Variants in CNBD1 observed in about 807,000 individuals in gnomAD.
CNBD1 encodes cyclic nucleotide binding domain containing 1.
Under a neutral mutation model 54.4 loss-of-function variants are expected in CNBD1, and 71 were observed. The observed-to-expected ratio is 1.30, with a 90% CI of 1.08 to 1.59. CNBD1 has a LOEUF of 1.59. Ranked by LOEUF, CNBD1 falls within the 40% of genes most tolerant of loss-of-function variation. The pLI is 0.00. For missense variants in CNBD1, 659 were observed against 518.0 expected (o/e 1.27, Z -2.64); for synonymous variants, 182 against 170.7 (o/e 1.07, Z -0.51).
chr8:87,218,175 A>C (rs1190594010), intron 5 of CNBD1, among the ~76,000 whole-genome samples: 1 of 152,062 alleles, frequency 6.6e-6, no homozygotes, highest in Non-Finnish European at 1.5e-5. Flanking sequence ...TCTAACACAC[A>C]CATGCTCTTG....
rs368089504 is a variant in CNBD1 at position 87,185,465 on chromosome 8, G to A, written c.432-20528G>A. Among the ~76,000 whole-genome samples, 61 of 152,180 alleles carry A rather than the reference G, an allele frequency of 4.0e-4. 1 individual carries two copies. The highest frequency in any genetic ancestry group is 1.4e-3 in the African/African-American group (59 of 41,520). On this transcript the variant is annotated intron_variant, in intron 4 of 10. Transcript: ENST00000518476. The stretch of plus-strand genomic sequence containing the variant: ...TGAACTTTGTTCCAAAATTAGTTAA[G>A]TTTATTGGAAACACACTGATACTTT...
intron 4 of CNBD1, among the ~76,000 whole-genome samples, chr8:87,201,967 C>G (rs1174967595): frequency 6.6e-6 from 1 of 152,040 alleles, no homozygotes; most frequent in Non-Finnish European, 1.5e-5. Context: ...ATATTGGTAA[C>G]AGACATCCAA....
intron 10 of CNBD1, among the ~76,000 whole-genome samples, chr8:87,364,348 A>G (rs1316060869): frequency 7.2e-5 from 11 of 151,810 alleles, no homozygotes; most frequent in Admixed American, 2.6e-4. Context: ...AACTTTGTAA[A>G]TGTTTGTTTA....
chr8:86,892,778 T>C (rs1426397648), intron 2 of CNBD1, among the ~76,000 whole-genome samples: 1 of 152,184 alleles, frequency 6.6e-6, no homozygotes, highest in African/African-American at 2.4e-5. Context: ...ATATCTTACT[T>C]TCCTTTTTCT....
intron 4 of CNBD1, among the ~76,000 whole-genome samples, chr8:87,064,599 T>A (rs1810611994): frequency 6.6e-6 from 1 of 151,946 alleles, no homozygotes; most frequent in Non-Finnish European, 1.5e-5. Flanking sequence ...TTTCTAGTCA[T>A]CTCTCCAATT....
At chr8:87,298,637 A>G (rs1808926513) in intron 8 of CNBD1, among the ~76,000 whole-genome samples, 1 of 151,770 alleles carries the variant, frequency 6.6e-6, no homozygotes, top group African/African-American at 2.4e-5. Context: ...GGCTCCCACC[A>G]TGAAGCCTGG....
intron 5 of CNBD1, among the ~76,000 whole-genome samples, chr8:87,233,923 G>A (rs1377797784): frequency 1.3e-5 from 2 of 152,110 alleles, no homozygotes; most frequent in African/African-American, 4.8e-5. Context: ...CTCAAACCCT[G>A]CCAACTGCTT....
At position 87,382,722 on chromosome 8, in the gene CNBD1, A is replaced by T. The variant is rs1447697426; in HGVS notation, c.*95A>T. The T allele has an allele frequency of 1.1e-5, 11 of 994,428 alleles. No homozygotes were observed. Among genetic ancestry groups the T allele is most frequent in the African/African-American group, 1.6e-5 (1 of 61,948 alleles). The allele number at this position is 994,428 out of a possible 1,614,324, so 61.6% of individuals were successfully genotyped here. A position where few individuals can be genotyped will look rare whatever the true frequency, so the allele number is the denominator to read the frequency against. On this transcript the variant is annotated 3_prime_UTR_variant, in exon 11 of 11. Coordinates refer to ENST00000518476, the MANE Select transcript of CNBD1 (RefSeq NM_173538.3). ...GAATACTATCAAACTACCAGCAATG[A>T]ATTTGGTCTATTGTGACTACATATC...
At chr8:87,319,582 G>T (rs941129168) in intron 8 of CNBD1, among the ~76,000 whole-genome samples, 9 of 151,982 alleles carry the variant, frequency 5.9e-5, no homozygotes, top group Non-Finnish European at 1.2e-4. Flanking sequence ...AAAAGTTACA[G>T]GATAAAAGAA....
intron 4 of CNBD1, among the ~76,000 whole-genome samples, chr8:87,057,955 G>A (rs1460041003): frequency 6.6e-6 from 1 of 152,100 alleles, no homozygotes; most frequent in African/African-American, 2.4e-5. Flanking sequence ...CAAGTTCAAA[G>A]TGTCATTTAA....
intron 4 of CNBD1, among the ~76,000 whole-genome samples, chr8:86,971,903 A>C (rs934264782): frequency 2.0e-5 from 3 of 152,102 alleles, no homozygotes; most frequent in Admixed American, 1.3e-4. Context: ...TTATCATTTT[A>C]TCTCTCACAT....
intron 4 of CNBD1, among the ~76,000 whole-genome samples, chr8:87,148,711 G>C (rs1394559041): frequency 3.3e-5 from 5 of 152,072 alleles, no homozygotes; most frequent in Admixed American, 1.3e-4. Flanking sequence ...TGATGAAGAG[G>C]GATCTGGATC....
Position 87,373,223 on chromosome 8 carries a change from A to T in CNBD1, c.1304-9397A>T, listed in dbSNP as rs371806009. On this transcript the variant is annotated intron_variant, in intron 10 of 10. Coordinates refer to ENST00000518476, the MANE Select transcript of CNBD1 (RefSeq NM_173538.3). ...AAAGTAGACTTTTCTGCAAATGATG[A>T]TTAATGACCAATGATACTTCTACTG... Among the ~76,000 whole-genome samples, 5 of 151,946 alleles carry T rather than the reference A, an allele frequency of 3.3e-5. No individual in the cohort carries two copies. In the South Asian group the frequency reaches 6.2e-4, roughly 19 times the overall value.
At chr8:87,216,359 C>T (rs980513197) in intron 5 of CNBD1, among the ~76,000 whole-genome samples, 3 of 152,110 alleles carry the variant, frequency 2.0e-5, no homozygotes, top group African/African-American at 7.2e-5. Context: ...ATATCAGAGA[C>T]ATCAGTATGC....
intron 8 of CNBD1, among the ~76,000 whole-genome samples, chr8:87,287,715 G>GA (rs1345048492): frequency 6.6e-6 from 1 of 152,030 alleles, no homozygotes; most frequent in Non-Finnish European, 1.5e-5. Context: ...TTCTTTTACT[G>GA]AAAAAAAGTA....
Position 87,046,092 on chromosome 8 carries a change from G to T in CNBD1, c.431+106338G>T, listed in dbSNP as rs1810184906. On this transcript the variant is annotated intron_variant, in intron 4 of 10. Transcript: ENST00000518476. ...GAGTGCACAGGTGCCCCCCTACTTT[G>T]GCTGTAAAAACATCTAGGGCTCATC... Among the ~76,000 whole-genome samples the T allele has an allele frequency of 1.3e-5, 2 of 149,658 alleles. 1 individual carries two copies. The highest frequency in any genetic ancestry group is 1.3e-4 in the Admixed American group (2 of 15,016).
chr8:87,274,096 G>A (rs1441566278), intron 6 of CNBD1, among the ~76,000 whole-genome samples: 1 of 152,022 alleles, frequency 6.6e-6, no homozygotes, highest in African/African-American at 2.4e-5. Context: ...CAAAAGACAT[G>A]AGCTCATCAT....
intron 4 of CNBD1, among the ~76,000 whole-genome samples, chr8:87,093,219 A>C (rs533459944): frequency 6.6e-6 from 1 of 152,330 alleles, no homozygotes; most frequent in South Asian, 2.1e-4. Flanking sequence ...CATTCGTGGG[A>C]AACTTGGGTT....
At chr8:87,396,896 T>TA (rs1811416594) in intron 2 of CNBD1, among the ~76,000 whole-genome samples, 1 of 151,044 alleles carries the variant, frequency 6.6e-6, no homozygotes, top group Non-Finnish European at 1.5e-5. Context: ...GTTTTCTTTT[T>TA]TTTTTTTTCA....
Sources: gnomAD v4.1 joint callset for allele counts (sites outside exome capture counted in the v4.1 genomes callset) on GRCh38, gnomAD v4.1.1 for gene constraint, MANE v1.5 for transcripts, NCBI Gene and HGNC (gene_info 2026-07-23, HGNC 2026-07-21) for gene names.